The following VSIG10 variants were observed in gnomAD, a reference collection of about 807,000 sequenced individuals.
The protein encoded by VSIG10 is V-set and immunoglobulin domain containing 10.
Under a neutral mutation model 58.7 loss-of-function variants are expected in VSIG10, and 48 were observed. That is an observed-to-expected ratio of 0.82 (90% confidence interval 0.65 to 1.04). VSIG10 has a LOEUF of 1.04. Ranked by LOEUF, VSIG10 falls within the 50% of genes least tolerant of loss-of-function variation. VSIG10 has a pLI of 0.00. For synonymous variants in VSIG10, 260 were observed against 267.1 expected (o/e 0.97, Z 0.26); for missense variants, 628 against 670.0 (o/e 0.94, Z 0.69).
At chr12:118,088,833 C>G (rs560128223) in intron 2 of VSIG10, among the ~76,000 whole-genome samples, 1 of 152,104 alleles carries the variant, frequency 6.6e-6, no homozygotes, top group South Asian at 2.1e-4. Context: ...TGTATTTCCA[C>G]GTGAAGAAAT....
rs2032181644 is a variant in VSIG10, at chr12:118,064,458, AAC to A, written c.*2179_*2180del. 1 of 146,326 alleles carries A rather than the reference AAC, an allele frequency of 6.8e-6. No individual in the cohort carries two copies. The highest frequency in any genetic ancestry group is 2.5e-5 in the African/African-American group (1 of 39,480). 9.1% of individuals were successfully genotyped at this position (146,326 alleles called of 1,614,324 possible). A position where few individuals can be genotyped will look rare whatever the true frequency, so the allele number is the denominator to read the frequency against. On this transcript the variant is annotated 3_prime_UTR_variant, in exon 9 of 9. Coordinates refer to ENST00000359236, the MANE Select transcript of VSIG10 (RefSeq NM_019086.6). Reference sequence around the variant, plus strand: ...TAGGGTTTTTTTTTTTTTTCACCTCAACAGTTTTTGTGTTTTCTTTTTTTAAT... The same window carrying A: ...TAGGGTTTTTTTTTTTTTTCACCTCAAGTTTTTGTGTTTTCTTTTTTTAAT...
In VSIG10 at chr12:118,079,604, G is replaced by T. The variant is rs771331672; in HGVS notation, c.667C>A (p.Pro223Thr). 1.2e-5 allele frequency: 19 copies of T among 1,613,698 alleles called. No homozygotes were observed. Among genetic ancestry groups the T allele is most frequent in the Non-Finnish European group, 1.6e-5 (19 of 1,179,850 alleles). ...CAGCACTGGGGAGCTGATGGAGGGGGATCTGCAAAACACCAGAGGAAAGCA... is the reference window on the plus strand; with the variant it reads ...CAGCACTGGGGAGCTGATGGAGGGGTATCTGCAAAACACCAGAGGAAAGCA... Reference protein sequence around the residue: ...KVTTELLVYYPPPSAPQCWAQ... With the variant: ...KVTTELLVYYTPPSAPQCWAQ... Residue 223 changes from proline to threonine, a missense_variant and splice_region_variant, in exon 4 of 9, where the codon CCC becomes ACC. Transcript: ENST00000359236.
chr12:118,070,907 T>C (rs2032464524), intron 7 of VSIG10, 145 bp downstream of exon 7: 2 of 959,312 alleles, frequency 2.1e-6, no homozygotes, highest in Non-Finnish European at 3.3e-6. Flanking sequence ...TAAGAATACC[T>C]GATGAAATCC....
At chr12:118,095,323 G>A (rs1360810408) in intron 2 of VSIG10, among the ~76,000 whole-genome samples, 2 of 152,192 alleles carry the variant, frequency 1.3e-5, no homozygotes, top group African/African-American at 2.4e-5. Flanking sequence ...TTACAGGCAT[G>A]AGCCACTGCG....
chr12:118,082,706 G>A (rs1169984564), intron 2 of VSIG10, among the ~76,000 whole-genome samples: 2 of 152,142 alleles, frequency 1.3e-5, no homozygotes, highest in Non-Finnish European at 2.9e-5. Flanking sequence ...GCTAGGCACA[G>A]TAGCTCATGC....
chr12:118,074,697 T>C (rs1306338627), intron 4 of VSIG10, among the ~76,000 whole-genome samples: 1 of 152,040 alleles, frequency 6.6e-6, no homozygotes, highest in Non-Finnish European at 1.5e-5. Context: ...CAGGCTAGTC[T>C]CAAACTCCTG....
At chr12:118,075,387 G>A (rs1014099746) in intron 4 of VSIG10, among the ~76,000 whole-genome samples, 44 of 151,852 alleles carry the variant, frequency 2.9e-4, no homozygotes, top group African/African-American at 7.7e-4. Context: ...ACAAGGTCTC[G>A]CTCTGTCACC....
intron 1 of VSIG10, chr12:118,102,345 C>T (rs1205921432): frequency 2.0e-5 from 3 of 152,284 alleles, no homozygotes; most frequent in Non-Finnish European, 4.4e-5. Context: ...CCCCATCACC[C>T]ACACCCCAGC....
chr12:118,102,571 ATT>A (rs1273046899), intron 1 of VSIG10: 1 of 151,932 alleles, frequency 6.6e-6, no homozygotes, highest in African/African-American at 2.4e-5. Context: ...TAGAGATGTT[ATT>A]GTTTTTAAAT....
chr12:118,066,721 C>T (rs148118336), intron 8 of VSIG10, 27 bp from the exon 9 acceptor site: 2 of 1,566,538 alleles, frequency 1.3e-6, no homozygotes, highest in Non-Finnish European at 1.7e-6. Context: ...AAACCCAATG[C>T]TTTGTAATCA....
At chr12:118,075,524 T>G (rs1267449590) in intron 4 of VSIG10, among the ~76,000 whole-genome samples, 1 of 151,910 alleles carries the variant, frequency 6.6e-6, no homozygotes, top group Non-Finnish European at 1.5e-5. Flanking sequence ...CCTGGCTAAT[T>G]TTTGTACTTT....
intron 1 of VSIG10, among the ~76,000 whole-genome samples, chr12:118,098,026 G>A (rs2137955527): frequency 6.6e-6 from 1 of 152,206 alleles, no homozygotes; most frequent in Non-Finnish European, 1.5e-5. Context: ...CGATCCCCAG[G>A]CAGATCAGCA....
chr12:118,091,860 C>T (rs956674657), intron 2 of VSIG10, among the ~76,000 whole-genome samples: 3 of 151,848 alleles, frequency 2.0e-5, no homozygotes, highest in East Asian at 3.9e-4. Context: ...CAAGTTGAAG[C>T]GATTCTCTTG....
intron 2 of VSIG10, among the ~76,000 whole-genome samples, chr12:118,086,397 G>A (rs961394482): frequency 6.6e-6 from 1 of 152,086 alleles, no homozygotes; most frequent in South Asian, 2.1e-4. Context: ...GAACCCAGGA[G>A]GCAGAGGCTG....
Position 118,095,591 on chromosome 12 carries a change from G to A in VSIG10, c.303C>T (p.Tyr101=), listed in dbSNP as rs200497230. 194 of 1,613,954 alleles carry A rather than the reference G, an allele frequency of 1.2e-4. No homozygotes were observed. The African/African-American group carries it at 1.3e-3, about 11-fold the overall frequency. ...TCACATTCAGGATCTCCTGGCAGGT[G>A]TAGATTCCCTCATCTCCCAGGCTCA... ...ESLSLGDEGI[Y]TCQEILNVTQ... The change falls in exon 2 of 9, where the codon TAC becomes TAT. Residue 101 remains tyrosine, a synonymous_variant. Transcript: ENST00000359236.
At chr12:118,097,737 C>G (rs138914660) in intron 1 of VSIG10, among the ~76,000 whole-genome samples, 9 of 152,186 alleles carry the variant, frequency 5.9e-5, no homozygotes, top group African/African-American at 1.9e-4. Context: ...GCCTGGCCAA[C>G]ATGGTGAAAC....
At chr12:118,089,285 G>C (rs368900790) in intron 2 of VSIG10, among the ~76,000 whole-genome samples, 1 of 152,030 alleles carries the variant, frequency 6.6e-6, no homozygotes, top group East Asian at 1.9e-4. Flanking sequence ...GCAAGTTCAC[G>C]TTCATTGCAA....
chr12:118,099,163 CG>C (rs749599142), intron 1 of VSIG10, among the ~76,000 whole-genome samples: 2 of 152,012 alleles, frequency 1.3e-5, no homozygotes, highest in African/African-American at 2.4e-5. Context: ...CTGAGGTGGG[CG>C]GATCACTTGA....
rs181842966 is a variant in VSIG10, at chr12:118,095,756, G to A, written c.138C>T (p.Asn46=). 1.2e-4 allele frequency: 190 copies of A among 1,613,412 alleles called. No individual in the cohort carries two copies. Among genetic ancestry groups the A allele is most frequent in the Non-Finnish European group, 1.5e-4 (182 of 1,179,676 alleles). ...VHENVTLHCG[N]ISGLRGQVTW... The stretch of plus-strand genomic sequence containing the variant: ...TCACCTGGCCCCTCAGTCCCGAGAT[G>A]TTGCCACAGTGCAGAGTAACATTCT... Residue 46 remains asparagine, a synonymous_variant, in exon 2 of 9, where the codon AAC becomes AAT. Transcript: ENST00000359236.
Sources: gnomAD v4.1 joint callset for allele counts (sites outside exome capture counted in the v4.1 genomes callset) on GRCh38, gnomAD v4.1.1 for gene constraint, MANE v1.5 for transcripts, NCBI Gene and HGNC (gene_info 2026-07-23, HGNC 2026-07-21) for gene names.